The following PTPN13 variants were observed in gnomAD, a reference collection of about 807,000 sequenced individuals.
PTPN13 encodes the protein protein tyrosine phosphatase non-receptor type 13, also known as tyrosine-protein phosphatase non-receptor type 13.
Under a neutral mutation model 284.0 loss-of-function variants are expected in PTPN13, and 191 were observed. The observed-to-expected ratio is 0.67, with a 90% CI of 0.60 to 0.76. The LOEUF is 0.76. Among genes scored for constraint, PTPN13 ranks in the 30% least tolerant of loss-of-function variants. PTPN13 has a pLI of 0.00. For synonymous variants in PTPN13, 986 were observed against 1,022.3 expected (o/e 0.96, Z 0.68); for missense variants, 2,797 against 2,939.9 (o/e 0.95, Z 1.12).
intron 47 of PTPN13, 147 bp downstream of exon 47, chr4:86,811,255 TA>T: frequency 1.6e-6 from 1 of 644,492 alleles, no homozygotes; most frequent in Non-Finnish European, 2.5e-6. Flanking sequence ...CATTTTTTTT[TA>T]AATGAGGACT....
Position 86,796,917 on chromosome 4 carries a change from TA to T in PTPN13, c.6394del (p.Ser2132ValfsTer4). On this transcript the variant is annotated frameshift_variant, in exon 41 of 48. Transcript: ENST00000411767. LOFTEE classifies it high-confidence loss of function. Reference protein sequence around the residue: ...NGCEEYCEEKVKSESLIQKPQ... With the variant: ...NGCEEYCEEKXKSESLIQKPQ... ...TGTGAAGAATATTGTGAAGAAAAAG[TA>T]AAAAGTGAAAGGTGAGAAAATAATT... 1 of 1,484,292 alleles carries T rather than the reference TA, an allele frequency of 6.7e-7. No individual in the cohort carries two copies. The allele number at this position is 1,484,292 out of a possible 1,614,324, so 91.9% of individuals were successfully genotyped here. A position where few individuals can be genotyped will look rare whatever the true frequency, so the allele number is the denominator to read the frequency against.
intron 36 of PTPN13, 30 bp downstream of exon 36, chr4:86,780,502 C>T: frequency 7.1e-7 from 1 of 1,415,342 alleles, no homozygotes; most frequent in Non-Finnish European, 9.9e-7. Context: ...ACTGTACTCT[C>T]CTACGGTAAT....
chr4:86,726,743 T>C (rs1734298607), intron 10 of PTPN13, among the ~76,000 whole-genome samples: 1 of 149,368 alleles, frequency 6.7e-6, no homozygotes, highest in Non-Finnish European at 1.5e-5. Flanking sequence ...AAATATACAA[T>C]TATGTCATCT....
chr4:86,625,050 A>G (rs997988964), intron 1 of PTPN13, among the ~76,000 whole-genome samples: 26 of 152,208 alleles, frequency 1.7e-4, no homozygotes, highest in African/African-American at 2.6e-4. Flanking sequence ...TCCACCTAAC[A>G]TTTCCATCTC....
chr4:86,808,465 C>T (rs1190249273), intron 45 of PTPN13, among the ~76,000 whole-genome samples: 1 of 152,220 alleles, frequency 6.6e-6, no homozygotes, highest in Non-Finnish European at 1.5e-5. Context: ...CCTCACCTTA[C>T]TACACGCCTG....
At chr4:86,633,638 A>G (rs1722705833) in intron 1 of PTPN13, among the ~76,000 whole-genome samples, 2 of 152,184 alleles carry the variant, frequency 1.3e-5, no homozygotes, top group African/African-American at 4.8e-5. Context: ...GTTCTCAGAC[A>G]TATTACTTTG....
At chr4:86,639,220 C>G (rs1192802081) in intron 2 of PTPN13, among the ~76,000 whole-genome samples, 6 of 151,808 alleles carry the variant, frequency 4.0e-5, no homozygotes, top group Admixed American at 1.3e-4. Flanking sequence ...CACTTTTACA[C>G]TGTTGGTGGG....
At chr4:86,667,217 A>G (rs773614659) in intron 2 of PTPN13, among the ~76,000 whole-genome samples, 10 of 152,178 alleles carry the variant, frequency 6.6e-5, no homozygotes, top group Non-Finnish European at 1.2e-4. Flanking sequence ...TTGAGAACCA[A>G]AAGTTCATAG....
At chr4:86,596,945 AGTT>A (rs1763864805) in intron 1 of PTPN13, among the ~76,000 whole-genome samples, 1 of 152,230 alleles carries the variant, frequency 6.6e-6, no homozygotes, top group Non-Finnish European at 1.5e-5. Flanking sequence ...TGCATTTAGT[AGTT>A]ACTCCTGTCA....
rs755869326 is a variant in PTPN13 at position 86,764,710 on chromosome 4, G to C, written c.4135G>C (p.Gly1379Arg). The change falls in exon 25 of 48, where the codon GGG (glycine) becomes CGG (arginine). Residue 1379 changes from glycine to arginine, a missense_variant. Transcript: ENST00000411767. ...ACTGGCTAAAAATGATAACAGCTTG[G>C]GGATAAGTGTCACGGTACTGTTTGA... ...VELAKNDNSL[G>R]ISVTGGVNTS... The C allele has an allele frequency of 1.7e-5, 28 of 1,605,752 alleles. No individual in the cohort carries two copies. Among genetic ancestry groups the C allele is most frequent in the Middle Eastern group, 3.3e-4 (2 of 6,064 alleles).
intron 1 of PTPN13, among the ~76,000 whole-genome samples, chr4:86,632,594 C>A (rs1722584660): frequency 6.6e-6 from 1 of 151,984 alleles, no homozygotes; most frequent in South Asian, 2.1e-4. Flanking sequence ...TTCTTTCAGG[C>A]CATTCCACAG....
intron 10 of PTPN13, among the ~76,000 whole-genome samples, chr4:86,731,817 T>C (rs2149127408): frequency 6.6e-6 from 1 of 152,258 alleles, no homozygotes; most frequent in East Asian, 1.9e-4. Flanking sequence ...TAATTTTTTA[T>C]TTTTTGTAGA....
chr4:86,677,828 T>C (rs1728467049), intron 3 of PTPN13, among the ~76,000 whole-genome samples: 1 of 152,234 alleles, frequency 6.6e-6, no homozygotes, highest in Non-Finnish European at 1.5e-5. Context: ...GATAACACAT[T>C]TCCATCTTAT....
chr4:86,602,316 C>A (rs1764361808), intron 1 of PTPN13, among the ~76,000 whole-genome samples: 1 of 152,126 alleles, frequency 6.6e-6, no homozygotes, highest in South Asian at 2.1e-4. Flanking sequence ...ACTTTATTTT[C>A]CTCATCTTCA....
rs376125032 is a variant in PTPN13 at position 86,784,432 on chromosome 4, T to C, written c.6025-33T>C. 24 of 1,462,924 alleles carry C rather than the reference T, an allele frequency of 1.6e-5. No homozygotes were observed. In the African/African-American group the frequency reaches 3.0e-4, roughly 18 times the overall value. 90.6% of individuals were successfully genotyped at this position (1,462,924 alleles called of 1,614,324 possible). On this transcript the variant is annotated intron_variant, in intron 37 of 47. Coordinates refer to ENST00000411767, the MANE Select transcript of PTPN13 (RefSeq NM_080683.3). ...CCGATCCTGGAAGTTAGTAAAATAC[T>C]ATCTGATGATTTGCTTTGGTTTTAT...
At chr4:86,675,517 A>T (rs1009368634) in intron 3 of PTPN13, among the ~76,000 whole-genome samples, 2 of 152,108 alleles carry the variant, frequency 1.3e-5, no homozygotes, top group Admixed American at 6.6e-5. Flanking sequence ...TGACATATAA[A>T]TTTTTTATAA....
At chr4:86,631,881 G>A (rs1240430231) in intron 1 of PTPN13, among the ~76,000 whole-genome samples, 1 of 151,952 alleles carries the variant, frequency 6.6e-6, no homozygotes, top group African/African-American at 2.4e-5. Flanking sequence ...AAAAAGTAAG[G>A]AAAAACAGTA....
intron 35 of PTPN13, among the ~76,000 whole-genome samples, chr4:86,777,096 G>T (rs572003946): frequency 3.9e-5 from 6 of 152,100 alleles, no homozygotes; most frequent in Non-Finnish European, 8.8e-5. Context: ...AACAGATTGA[G>T]AAAATGTATT....
At chr4:86,730,819 C>T (rs1734854591) in intron 10 of PTPN13, among the ~76,000 whole-genome samples, 1 of 152,214 alleles carries the variant, frequency 6.6e-6, no homozygotes, top group South Asian at 2.1e-4. Context: ...ACCCACTGTC[C>T]AACCAGTCCC....
Sources: allele counts gnomAD v4.1 joint callset (sites outside exome capture counted in the v4.1 genomes callset), GRCh38; gene constraint gnomAD v4.1.1; transcripts MANE v1.5; gene names NCBI Gene and HGNC (gene_info 2026-07-23, HGNC 2026-07-21).